The following TADA2A variants were observed in gnomAD, a reference collection of about 807,000 sequenced individuals.
TADA2A encodes the protein transcriptional adaptor 2A.
TADA2A carries 38 observed loss-of-function variants against 67.4 expected under a neutral mutation model. The ratio of observed to expected loss-of-function variants is 0.56; its 90% CI spans 0.44 to 0.74. The LOEUF (loss-of-function observed/expected upper bound fraction) is 0.74, where lower values mean the gene tolerates loss of function less well. TADA2A is among the 30% of genes least tolerant of loss of function. TADA2A has a pLI of 0.00. For synonymous variants in TADA2A, 192 were observed against 181.6 expected, an observed-to-expected ratio of 1.06 and a Z score of -0.46; for missense variants, 454 against 547.0, an observed-to-expected ratio of 0.83 and a Z score of 1.70.
chr17:37,430,047 C>T (rs2147941812), intron 4 of TADA2A, among the ~76,000 whole-genome samples: 1 of 152,250 alleles, frequency 6.6e-6, no homozygotes, highest in South Asian at 2.1e-4. Flanking sequence ...TGAAATAACT[C>T]CTTAAGGGAT....
At chr17:37,473,872 T>G (rs1041713382) in intron 14 of TADA2A, among the ~76,000 whole-genome samples, 8 of 152,254 alleles carry the variant, frequency 5.3e-5, no homozygotes, top group African/African-American at 1.9e-4. Flanking sequence ...TTTGCTGGCC[T>G]AACAGTCTTT....
At chr17:37,476,740 G>A in intron 15 of TADA2A, 57 bp from the exon 16 acceptor site, 4 of 1,563,814 alleles carry the variant, frequency 2.6e-6, no homozygotes, top group Non-Finnish European at 3.5e-6. Context: ...ATACCTGCTG[G>A]ATTAAATTAC....
At chr17:37,468,924 G>A (rs116173976) in intron 12 of TADA2A, among the ~76,000 whole-genome samples, 10 of 150,916 alleles carry the variant, frequency 6.6e-5, no homozygotes, top group East Asian at 1.9e-4. Flanking sequence ...TATTTGAGAC[G>A]GAGTCTGGCT....
intron 4 of TADA2A, among the ~76,000 whole-genome samples, chr17:37,433,485 C>G (rs1466726760): frequency 6.6e-6 from 1 of 151,866 alleles, no homozygotes; most frequent in Non-Finnish European, 1.5e-5. Context: ...TAGAAAGACC[C>G]CATTGCTGCA....
chr17:37,455,548 A>AT (rs1440843002), intron 8 of TADA2A, among the ~76,000 whole-genome samples: 2 of 151,904 alleles, frequency 1.3e-5, no homozygotes, highest in South Asian at 2.1e-4. Flanking sequence ...TGCCAGGCTA[A>AT]TTTTTTATAT....
At chr17:37,463,096 C>G (rs1184713159) in intron 10 of TADA2A, among the ~76,000 whole-genome samples, 1 of 152,044 alleles carries the variant, frequency 6.6e-6, no homozygotes, top group East Asian at 1.9e-4. Flanking sequence ...CCTCAGCCTC[C>G]TTATTACAGG....
In TADA2A at chr17:37,478,923, T is replaced by A. The variant is rs1324765530; in HGVS notation, c.*1941T>A. ...AGAATGACGTGGAAATGACCTGTTT[T>A]CCTTGTAAAATCATATCTCGTAGAA... is the stretch of plus-strand genomic sequence containing the variant. On this transcript the variant is annotated 3_prime_UTR_variant, in exon 16 of 16. Transcript: ENST00000615182. 6.6e-6 allele frequency: 1 copy of A among 152,206 alleles called. No individual in the cohort carries two copies. The highest frequency in any genetic ancestry group is 6.5e-5 in the Admixed American group (1 of 15,282). 9.4% of individuals were successfully genotyped at this position (152,206 alleles called of 1,614,324 possible).
Position 37,423,533 on chromosome 17 carries a change from G to T in TADA2A, c.50G>T (p.Cys17Phe). The change falls in exon 3 of 16, where the codon TGC becomes TTC. Residue 17 changes from cysteine (C) to phenylalanine (F), a missense_variant. Physicochemically the swap from Cys to Phe is radical, Grantham distance 205. Transcript: ENST00000615182. The part of the protein sequence containing the change: ...FSNDPSDKPP[C>F]RGCSSYLMEP... ...GATGATCCCTCTGATAAGCCACCTT[G>T]CCGAGGCTGCTCCTCCTACCTCATG... The T allele has an allele frequency of 6.2e-6, 10 of 1,612,464 alleles. No homozygotes were observed. The highest frequency in any genetic ancestry group is 8.5e-6 in the Non-Finnish European group (10 of 1,179,660).
rs1279737256 is a variant in TADA2A, at chr17:37,474,634, C to A, written c.1146+5C>A. On this transcript the variant is annotated splice_donor_5th_base_variant and intron_variant, in intron 15 of 15. Transcript: ENST00000615182. ...CTGAATGAAAAAGAAAAGGAGGTAACAAAAGGGAGGGGGCTGGGAGAAAGA... is the reference window on the plus strand; with the variant it reads ...CTGAATGAAAAAGAAAAGGAGGTAAAAAAAGGGAGGGGGCTGGGAGAAAGA... 3 of 1,609,224 alleles carry A rather than the reference C, an allele frequency of 1.9e-6. No individual in the cohort carries two copies. The highest frequency in any genetic ancestry group is 2.5e-6 in the Non-Finnish European group (3 of 1,177,464).
intron 4 of TADA2A, among the ~76,000 whole-genome samples, chr17:37,433,584 G>A (rs1302642430): frequency 1.3e-5 from 2 of 151,918 alleles, no homozygotes; most frequent in African/African-American, 4.8e-5. Flanking sequence ...GCTTGAGTTC[G>A]GGAGTTTGAA....
At chr17:37,433,808 G>A (rs1394982737) in intron 4 of TADA2A, among the ~76,000 whole-genome samples, 6 of 152,122 alleles carry the variant, frequency 3.9e-5, no homozygotes, top group Admixed American at 2.0e-4. Flanking sequence ...CAAAAAATTA[G>A]CCAGGTACAG....
chr17:37,423,466 G>T, intron 2 of TADA2A, 43 bp from the exon 3 acceptor site: 8 of 1,462,068 alleles, frequency 5.5e-6, no homozygotes, highest in Non-Finnish European at 7.6e-6. Context: ...TAAGATAACC[G>T]TAAGGTGGTC....
intron 4 of TADA2A, among the ~76,000 whole-genome samples, chr17:37,428,087 T>TA (rs2052462478): frequency 6.6e-6 from 1 of 152,210 alleles, no homozygotes; most frequent in Non-Finnish European, 1.5e-5. Context: ...CAGTTGTTCT[T>TA]ACAGGAAAGG....
At chr17:37,476,532 TAACA>T (rs1274983847) in intron 15 of TADA2A, among the ~76,000 whole-genome samples, 3 of 152,128 alleles carry the variant, frequency 2.0e-5, no homozygotes, top group Non-Finnish European at 4.4e-5. Flanking sequence ...TGTAAATCCC[TAACA>T]AACCCAGGCC....
In TADA2A at chr17:37,479,684, TTC is replaced by T. The variant is rs982302334; in HGVS notation, c.*2708_*2709del. ...TTCTGCTGGAGTTTTATGCATATTT[TTC>T]TCTCTAAGTGGTGGGAAATAAAGAA... On this transcript the variant is annotated 3_prime_UTR_variant, in exon 16 of 16. Transcript: ENST00000615182. The T allele has an allele frequency of 6.6e-6, 1 of 152,218 alleles. No homozygotes were observed. Among genetic ancestry groups the T allele is most frequent in the African/African-American group, 2.4e-5 (1 of 41,452 alleles). 9.4% of individuals were successfully genotyped at this position (152,218 alleles called of 1,614,324 possible).
At chr17:37,458,387 T>TAGAGA (rs1333967790) in intron 8 of TADA2A, 137 bp from the exon 9 acceptor site, 83 of 401,266 alleles carry the variant, frequency 2.1e-4, no homozygotes, top group Non-Finnish European at 2.8e-4. Flanking sequence ...TTATGTTTTC[T>TAGAGA]AGACTAGTGA....
intron 8 of TADA2A, among the ~76,000 whole-genome samples, chr17:37,455,797 C>T (rs1419422100): frequency 6.6e-6 from 1 of 152,130 alleles, no homozygotes; most frequent in African/African-American, 2.4e-5. Context: ...CTACTTAATA[C>T]TCTGGAACCA....
Position 37,411,300 on chromosome 17 carries a change from C to G in TADA2A, c.-66C>G. On this transcript the variant is annotated 5_prime_UTR_variant, in exon 2 of 16. Transcript: ENST00000615182. Reference sequence around the variant, plus strand: ...ATCAAGCTTTGGTGTATGTGTTGGCCGGTTCTGAAGTCTTGAAGAAGCTCT... The same window carrying G: ...ATCAAGCTTTGGTGTATGTGTTGGCGGGTTCTGAAGTCTTGAAGAAGCTCT... The G allele has an allele frequency of 2.0e-6, 3 of 1,531,018 alleles. No individual in the cohort carries two copies. Among genetic ancestry groups the G allele is most frequent in the Non-Finnish European group, 2.7e-6 (3 of 1,105,504 alleles). The allele number at this position is 1,531,018 out of a possible 1,614,324, so 94.8% of individuals were successfully genotyped here.
chr17:37,433,398 C>T (rs533912884), intron 4 of TADA2A, among the ~76,000 whole-genome samples: 141 of 152,242 alleles, frequency 9.3e-4, no homozygotes, highest in African/African-American at 3.2e-3. Flanking sequence ...TGGCTCCTTC[C>T]TGTAATCCCA....
Sources: allele counts gnomAD v4.1 joint callset (sites outside exome capture counted in the v4.1 genomes callset), GRCh38; gene constraint gnomAD v4.1.1; transcripts MANE v1.5; gene names NCBI Gene and HGNC (gene_info 2026-07-23, HGNC 2026-07-21).